The following BSN variants were observed in gnomAD, a reference collection of about 807,000 sequenced individuals.
BSN encodes bassoon presynaptic cytomatrix protein, also known as protein bassoon.
Under a neutral mutation model 264.8 loss-of-function variants are expected in BSN, and 57 were observed. The ratio of observed to expected loss-of-function variants is 0.22; its 90% CI spans 0.17 to 0.27. The LOEUF (loss-of-function observed/expected upper bound fraction) is 0.27, where lower values mean the gene tolerates loss of function less well. Among genes scored for constraint, BSN ranks in the 10% least tolerant of loss-of-function variants. The pLI is 1.00. For synonymous variants in BSN, 2,059 were observed against 2,137.3 expected, an observed-to-expected ratio of 0.96 and a Z score of 1.01; for missense variants, 4,615 against 5,232.5, an observed-to-expected ratio of 0.88 and a Z score of 3.64.
At chr3:49,612,215 A>G (rs568026578) in intron 1 of BSN, among the ~76,000 whole-genome samples, 1 of 151,308 alleles carries the variant, frequency 6.6e-6, no homozygotes, top group East Asian at 2.0e-4. Flanking sequence ...GGCTCACTGC[A>G]AGCTCCGCCT....
At chr3:49,607,160 C>G (rs2052160102) in intron 1 of BSN, among the ~76,000 whole-genome samples, 1 of 152,148 alleles carries the variant, frequency 6.6e-6, no homozygotes, top group Admixed American at 6.5e-5. Flanking sequence ...TCTCCCTTAG[C>G]ACTGCTGCCT....
chr3:49,624,236 C>CT (rs1316845548), intron 1 of BSN, among the ~76,000 whole-genome samples: 1 of 151,042 alleles, frequency 6.6e-6, no homozygotes, highest in East Asian at 1.9e-4. Flanking sequence ...CTCCCGACCT[C>CT]TTGATGTGCC....
chr3:49,554,503 G>C lies in BSN; in HGVS notation c.-100G>C, dbSNP rs1220545665. The C allele has an allele frequency of 3.2e-6, 1 of 314,132 alleles. No homozygotes were observed. The highest frequency in any genetic ancestry group is 6.5e-5 in the Admixed American group (1 of 15,342). 19.5% of individuals were successfully genotyped at this position (314,132 alleles called of 1,614,324 possible). A position where few individuals can be genotyped will look rare whatever the true frequency, so the allele number is the denominator to read the frequency against. On this transcript the variant is annotated 5_prime_UTR_variant, in exon 1 of 12. Transcript: ENST00000296452. ...GGCGGCGGCGCGAGCCGAGCTGGGAGATGGCGGCGGCAGCGGCGGCGCCGA... is the reference window on the plus strand; with the variant it reads ...GGCGGCGGCGCGAGCCGAGCTGGGACATGGCGGCGGCAGCGGCGGCGCCGA...
rs752108805 is a variant in BSN at position 49,613,303 on chromosome 3, C to CGAGAGAGAGAGAGAGAGAGAGAGA, written c.225-11649_225-11626dup. 4.8e-3 allele frequency among the ~76,000 whole-genome samples: 228 copies of CGAGAGAGAGAGAGAGAGAGAGAGA among 47,334 alleles called. 60 individuals carry two copies. The highest frequency in any genetic ancestry group is 6.2e-3 in the Non-Finnish European group (156 of 25,050). The allele number at this position is 47,334 out of a possible 152,430, so 31.1% of individuals were successfully genotyped here. On this transcript the variant is annotated intron_variant, in intron 1 of 11. Coordinates refer to ENST00000296452, the MANE Select transcript of BSN (RefSeq NM_003458.4). ...TATATATATATATACACACACAGAG[C>CGAGAGAGAGAGAGAGAGAGAGAGA]GAGAGAGAGAGAGAGAGAGAGAGAG...
chr3:49,605,287 ATATATTT>A (rs1339101403), intron 1 of BSN, among the ~76,000 whole-genome samples: 1 of 103,252 alleles, frequency 9.7e-6, no homozygotes, highest in African/African-American at 3.9e-5. Context: ...ATATATACAT[ATATATTT>A]TATATATTAT....
chr3:49,570,892 G>T (rs1361919208), intron 1 of BSN, among the ~76,000 whole-genome samples: 2 of 152,164 alleles, frequency 1.3e-5, no homozygotes, highest in African/African-American at 4.8e-5. Context: ...AAAGCATCCT[G>T]TGCTACCTGC....
intron 1 of BSN, among the ~76,000 whole-genome samples, chr3:49,581,036 C>T (rs148765564): frequency 8.3e-4 from 125 of 149,958 alleles, no homozygotes; most frequent in Non-Finnish European, 1.6e-3. Flanking sequence ...GGCTGGAGTG[C>T]AGTGGTGTAA....
chr3:49,606,800 G>A (rs529417453), intron 1 of BSN, among the ~76,000 whole-genome samples: 48 of 152,202 alleles, frequency 3.2e-4, no homozygotes, highest in African/African-American at 1.1e-3. Context: ...CTTCTGCTGG[G>A]TAAAAACCTG....
At chr3:49,595,186 GCCAC>G (rs2052012494) in intron 1 of BSN, among the ~76,000 whole-genome samples, 3 of 146,968 alleles carry the variant, frequency 2.0e-5, no homozygotes, top group African/African-American at 7.7e-5. Flanking sequence ...ACTGCGCCTG[GCCAC>G]AATTTTTTTT....
At chr3:49,645,954 C>T (rs990239030) in intron 3 of BSN, among the ~76,000 whole-genome samples, 1 of 152,174 alleles carries the variant, frequency 6.6e-6, no homozygotes. Flanking sequence ...GGGACAGACC[C>T]GTGGAGCCCC....
In BSN at chr3:49,642,726, C is replaced by T. The variant is rs1184266225; in HGVS notation, c.1092C>T (p.Leu364=). The change falls in exon 3 of 12, where the codon CTC becomes CTT. Residue 364 remains leucine, a synonymous_variant. Transcript: ENST00000296452. The surrounding 1 kb of genome is among the most constrained non-coding windows in gnomAD (Gnocchi z 7.0). The part of the protein sequence containing the change: ...GASLLTQAST[L]MSVQPEADTQ... ...CACTGCTAACCCAGGCGAGCACCCT[C>T]ATGTCTGTGCAGCCCGAGGCTGACA... is the stretch of plus-strand genomic sequence containing the variant. 3 of 1,613,520 alleles carry T rather than the reference C, an allele frequency of 1.9e-6. No individual in the cohort carries two copies. Among genetic ancestry groups the T allele is most frequent in the Admixed American group, 1.7e-5 (1 of 60,034 alleles).
Position 49,651,778 on chromosome 3 carries a change from C to T in BSN, c.2222C>T (p.Ala741Val). The change falls in exon 5 of 12, where the codon GCC (alanine) becomes GTC (valine). Residue 741 changes from alanine to valine, a missense_variant. Physicochemically the swap from Ala to Val is moderately conservative, Grantham distance 64. Transcript: ENST00000296452. This position sits in a 1 kb window ranked among gnomAD's most constrained non-coding sequence, Gnocchi z 5.4. ...MRPLLQAQGL[A>V]PSERSKPLSS... The stretch of plus-strand genomic sequence containing the variant: ...CCTTTGCTGCAGGCCCAGGGCCTGG[C>T]CCCAAGTGAGCGGAGCAAGCCACTC... 6.2e-7 allele frequency: 1 copy of T among 1,613,208 alleles called. No individual in the cohort carries two copies. The highest frequency in any genetic ancestry group is 8.5e-7 in the Non-Finnish European group (1 of 1,179,892).
chr3:49,589,513 C>CTTTTT (rs34301517), intron 1 of BSN, among the ~76,000 whole-genome samples: 4 of 142,910 alleles, frequency 2.8e-5, no homozygotes, highest in Admixed American at 7.0e-5. Context: ...TTCTTTCTTT[C>CTTTTT]TTTTTTTTTT....
In BSN at chr3:49,585,391, C is replaced by T. The variant is rs760303859; in HGVS notation, c.224+30565C>T. 3.9e-5 allele frequency among the ~76,000 whole-genome samples: 6 copies of T among 152,178 alleles called. No individual in the cohort carries two copies. The highest frequency in any genetic ancestry group is 4.4e-5 in the Non-Finnish European group (3 of 68,036). Reference sequence around the variant, plus strand: ...TATTTCCTCTCGGAACTCCTCCCCTCGTGCTTCTTCCTCTGGTGAGGCCGG... The same window carrying T: ...TATTTCCTCTCGGAACTCCTCCCCTTGTGCTTCTTCCTCTGGTGAGGCCGG... On this transcript the variant is annotated intron_variant, in intron 1 of 11. Transcript: ENST00000296452. The surrounding 1 kb of genome is among the most constrained non-coding windows in gnomAD (Gnocchi z 4.7).
At chr3:49,595,192 ATT>A (rs770763102) in intron 1 of BSN, among the ~76,000 whole-genome samples, 10 of 105,778 alleles carry the variant, frequency 9.5e-5, no homozygotes, top group Non-Finnish European at 9.9e-5. Flanking sequence ...CCTGGCCACA[ATT>A]TTTTTTTTTT....
chr3:49,575,458 GTAAATATATA>G (rs1237400841), intron 1 of BSN, among the ~76,000 whole-genome samples: 1 of 146,562 alleles, frequency 6.8e-6, no homozygotes, highest in Non-Finnish European at 1.5e-5. Flanking sequence ...GTGTATATAT[GTAAATATATA>G]TATGTGTATA....
rs1361071397 is a variant in BSN at position 49,663,650 on chromosome 3, C to T, written c.11492C>T (p.Pro3831Leu). ...CCAGGCCCCAGCACAGCCACAGGTC[C>T]TCAACCAGCAGGACCGGTAAGCAGA... The part of the protein sequence containing the change: ...PQPGPSTATG[P>L]QPAGPPRAEQ... The change falls in exon 7 of 12, where the codon CCT (proline) becomes CTT (leucine). Residue 3831 changes from proline (P) to leucine (L), a missense_variant. Transcript: ENST00000296452. 2 of 1,605,686 alleles carry T rather than the reference C, an allele frequency of 1.2e-6. No homozygotes were observed. The highest frequency in any genetic ancestry group is 1.1e-5 in the South Asian group (1 of 89,992).
intron 1 of BSN, among the ~76,000 whole-genome samples, chr3:49,583,837 G>T (rs545090946): frequency 3.1e-4 from 47 of 152,026 alleles, no homozygotes; most frequent in Middle Eastern, 3.4e-3. Context: ...AGGATGTGTG[G>T]TTGTTCATAG....
chr3:49,625,233 C>A lies in BSN; in HGVS notation c.483C>A (p.Ile161=). Reference sequence around the variant, plus strand: ...CATCACCCTACTCCGTCCCTCAGATCGCCCCCCTTCCCAGCAGCACGCTGT... The same window carrying A: ...CATCACCCTACTCCGTCCCTCAGATAGCCCCCCTTCCCAGCAGCACGCTGT... ...TPTSPYSVPQ[I]APLPSSTLCP... The change falls in exon 2 of 12, where the codon ATC becomes ATA. Residue 161 remains isoleucine, a synonymous_variant. Coordinates refer to ENST00000296452, the MANE Select transcript of BSN (RefSeq NM_003458.4). This position sits in a 1 kb window ranked among gnomAD's most constrained non-coding sequence, Gnocchi z 4.4. 6.3e-7 allele frequency: 1 copy of A among 1,589,808 alleles called. No homozygotes were observed. The highest frequency in any genetic ancestry group is 8.6e-7 in the Non-Finnish European group (1 of 1,168,816).
Sources: allele counts gnomAD v4.1 joint callset (sites outside exome capture counted in the v4.1 genomes callset), GRCh38; gene constraint gnomAD v4.1.1; non-coding constraint Gnocchi (gnomAD v3.1); transcripts MANE v1.5; gene names NCBI Gene and HGNC (gene_info 2026-07-23, HGNC 2026-07-21).